The following WDPCP variants were observed in gnomAD, a reference collection of about 807,000 sequenced individuals.
WDPCP encodes WD repeat-containing and planar cell polarity effector protein fritz homolog.
WDPCP carries 71 observed loss-of-function variants against 93.1 expected under a neutral mutation model. The observed-to-expected ratio is 0.76, with a 90% CI of 0.63 to 0.93. WDPCP has a LOEUF of 0.93. Among genes scored for constraint, WDPCP ranks in the 40% least tolerant of loss-of-function variants. The pLI, the probability that WDPCP is intolerant of heterozygous loss-of-function variation, is 0.00. For missense variants in WDPCP, 844 were observed against 887.4 expected, an observed-to-expected ratio of 0.95 and a Z score of 0.62; for synonymous variants, 315 against 315.0, an observed-to-expected ratio of 1.00 and a Z score of 0.00.
chr2:63,439,799 T>G lies in WDPCP; in HGVS notation c.457A>C (p.Arg153=). 6.2e-7 allele frequency: 1 copy of G among 1,613,314 alleles called. No homozygotes were observed. The highest frequency in any genetic ancestry group is 8.5e-7 in the Non-Finnish European group (1 of 1,179,432). The change falls in exon 7 of 18, where the codon AGA becomes CGA. Residue 153 remains arginine, a synonymous_variant. Transcript: ENST00000272321. ...GAGATGAGCTTCCCCACCAGGCTTC[T>G]GTCAATCACCACTTTCTCCAGCTGC... ...GPQLEKVVID[R]SLVGKLISDT...
chr2:63,483,546 C>T (rs955972460), intron 6 of WDPCP, among the ~76,000 whole-genome samples: 8 of 151,746 alleles, frequency 5.3e-5, no homozygotes, highest in Non-Finnish European at 1.0e-4. Flanking sequence ...GAAAAACTAG[C>T]ATCCACAAAA....
chr2:63,444,207 T>C (rs1453975770), intron 6 of WDPCP, among the ~76,000 whole-genome samples: 1 of 152,202 alleles, frequency 6.6e-6, no homozygotes, highest in African/African-American at 2.4e-5. Flanking sequence ...TGAGTTTGGA[T>C]ACTTGAAAGA....
intron 2 of WDPCP, among the ~76,000 whole-genome samples, chr2:63,737,505 G>C (rs1449772833): frequency 6.6e-6 from 1 of 152,174 alleles, no homozygotes; most frequent in African/African-American, 2.4e-5. Flanking sequence ...GAAGCAACCT[G>C]AGTGGCAGAC....
At chr2:63,708,146 T>G (rs1416916223) in intron 2 of WDPCP, among the ~76,000 whole-genome samples, 1 of 152,242 alleles carries the variant, frequency 6.6e-6, no homozygotes, top group African/African-American at 2.4e-5. Flanking sequence ...CACTACTCTC[T>G]TCAAAGCTGT....
intron 3 of WDPCP, among the ~76,000 whole-genome samples, chr2:63,597,060 C>T (rs1709327725): frequency 6.6e-6 from 1 of 152,182 alleles, no homozygotes. Flanking sequence ...GAATTAGTTG[C>T]TCTTTTGTGT....
chr2:63,605,145 G>A (rs544518068), intron 3 of WDPCP: 9 of 664,874 alleles, frequency 1.4e-5, no homozygotes, highest in Non-Finnish European at 2.1e-5. Context: ...GGCTGACATT[G>A]GGTTGTTGCA....
chr2:63,779,081 T>C (rs184610213), intron 2 of WDPCP, among the ~76,000 whole-genome samples: 2 of 152,114 alleles, frequency 1.3e-5, no homozygotes, highest in African/African-American at 4.8e-5. Context: ...AAACTCTCAA[T>C]GAAGGTTTAT....
chr2:63,478,885 G>A (rs971368719), intron 6 of WDPCP, among the ~76,000 whole-genome samples: 4 of 151,746 alleles, frequency 2.6e-5, no homozygotes, highest in Non-Finnish European at 4.4e-5. Flanking sequence ...AAACACACAC[G>A]ATAAATGCAA....
chr2:63,724,589 A>T (rs1185573390), intron 2 of WDPCP, among the ~76,000 whole-genome samples: 1 of 152,230 alleles, frequency 6.6e-6, no homozygotes, highest in East Asian at 1.9e-4. Flanking sequence ...TTCAGGATAT[A>T]AAACCTGGGT....
At chr2:63,833,073 T>C in the WDPCP span, among the ~76,000 whole-genome samples, 169 of 152,156 alleles carry the variant, frequency 1.1e-3, 3 homozygotes, top group East Asian at 0.029. Flanking sequence ...GCCAACATGG[T>C]GAAACTCCAT....
At chr2:63,575,409 AGTATATACACTGTATACAGT>A (rs1707901302) in intron 1 of WDPCP, among the ~76,000 whole-genome samples, 1 of 75,584 alleles carries the variant, frequency 1.3e-5, no homozygotes, top group Non-Finnish European at 2.4e-5. Flanking sequence ...GTATATATAC[AGTATATACACTGTATACAGT>A]GTATATACAG....
chr2:63,196,109 T>C (rs1675413476), intron 14 of WDPCP, among the ~76,000 whole-genome samples: 1 of 152,260 alleles, frequency 6.6e-6, no homozygotes. Flanking sequence ...TGTGTATTTT[T>C]CATTATATTT....
intron 2 of WDPCP, among the ~76,000 whole-genome samples, chr2:63,663,031 C>T (rs1023985323): frequency 6.6e-6 from 1 of 152,222 alleles, no homozygotes; most frequent in African/African-American, 2.4e-5. Context: ...TCAAGGTGAA[C>T]AGCCCTAGCC....
At chr2:63,367,955 C>CACAA (rs1285929535) in intron 12 of WDPCP, among the ~76,000 whole-genome samples, 1 of 152,128 alleles carries the variant, frequency 6.6e-6, no homozygotes, top group Non-Finnish European at 1.5e-5. Context: ...TGCTGAGGCC[C>CACAA]ACAAACAATG....
chr2:63,730,224 G>A (rs934187681), intron 2 of WDPCP, among the ~76,000 whole-genome samples: 1 of 150,914 alleles, frequency 6.6e-6, no homozygotes, highest in Non-Finnish European at 1.5e-5. Context: ...TTTTTTACAT[G>A]AGGAATTTGA....
intron 10 of WDPCP, among the ~76,000 whole-genome samples, chr2:63,401,081 A>G (rs1196941035): frequency 1.3e-5 from 2 of 152,200 alleles, no homozygotes; most frequent in East Asian, 3.8e-4. Context: ...GGACACAGGC[A>G]TGAGCAAAGA....
chr2:63,437,717 G>A, intron 7 of WDPCP, 163 bp from the exon 8 acceptor site: 1 of 1,019,470 alleles, frequency 9.8e-7, no homozygotes, highest in Non-Finnish European at 1.4e-6. Context: ...AAGATATTAG[G>A]AATAAACAAT....
At chr2:63,755,632 T>C (rs894829190) in intron 2 of WDPCP, among the ~76,000 whole-genome samples, 3 of 152,258 alleles carry the variant, frequency 2.0e-5, no homozygotes, top group African/African-American at 7.2e-5. Context: ...AAAATTGTTC[T>C]TGTCTATAGA....
intron 2 of WDPCP, among the ~76,000 whole-genome samples, chr2:63,729,291 A>G (rs1354795325): frequency 6.6e-6 from 1 of 152,210 alleles, no homozygotes; most frequent in African/African-American, 2.4e-5. Flanking sequence ...TGATCTAAAA[A>G]TTTTTTAACC....
Sources: allele counts gnomAD v4.1 joint callset (sites outside exome capture counted in the v4.1 genomes callset), GRCh38; gene constraint gnomAD v4.1.1; transcripts MANE v1.5; gene names NCBI Gene and HGNC (gene_info 2026-07-23, HGNC 2026-07-21).